The following TBC1D2 variants were observed in gnomAD, a reference collection of about 807,000 sequenced individuals.
The protein encoded by TBC1D2 is TBC1 domain family member 2A.
A neutral mutation model predicts 91.1 loss-of-function variants in TBC1D2; 58 were observed. That is an observed-to-expected ratio of 0.64 (90% CI 0.52 to 0.79). The LOEUF (loss-of-function observed/expected upper bound fraction) is 0.79, where lower values mean the gene tolerates loss of function less well. TBC1D2 is among the 30% of genes least tolerant of loss of function. TBC1D2 has a pLI of 0.00. For missense variants in TBC1D2, 1,080 were observed against 1,208.3 expected (o/e 0.89, Z 1.57); for synonymous variants, 482 against 511.5 (o/e 0.94, Z 0.78).
At position 98,200,254 on chromosome 9, in the gene TBC1D2, G is replaced by T. The variant is rs201387462; in HGVS notation, c.2578C>A (p.Arg860=). 2.5e-6 allele frequency: 4 copies of T among 1,613,630 alleles called. No individual in the cohort carries two copies. In the South Asian group the frequency reaches 4.4e-5, roughly 18 times the overall value. ...TGGCAGGGGGTGGGGGTTCCTCACC[G>T]GCTGTTGGAGATGGTCTTGGTGAAG... ...RFFTKTISNS[R]KLMNIAFNDM... The change falls in exon 12 of 13, where the codon CGG becomes AGG. Residue 860 remains arginine (R), a splice_region_variant and synonymous_variant. Transcript: ENST00000465784.
In TBC1D2 at chr9:98,218,463, A is replaced by G. The variant is rs550808894; in HGVS notation, c.1374+2370T>C. 3.2e-3 allele frequency among the ~76,000 whole-genome samples: 491 copies of G among 152,230 alleles called. 1 individual carries two copies. Among genetic ancestry groups the G allele is most frequent in the Non-Finnish European group, 5.2e-3 (356 of 68,010 alleles). The stretch of plus-strand genomic sequence containing the variant: ...GCACCTGTAGTCCCAGCTACTCAGG[A>G]GGCTGAGGCAGGAGAATGGCGTGAA... On this transcript the variant is annotated intron_variant, in intron 6 of 12. Transcript: ENST00000465784.
chr9:98,212,956 G>T, intron 7 of TBC1D2, 152 bp downstream of exon 7: 1 of 785,432 alleles, frequency 1.3e-6, no homozygotes, highest in Non-Finnish European at 2.0e-6. Flanking sequence ...CAGGGGTCTG[G>T]AGAAGAACCT....
intron 7 of TBC1D2, among the ~76,000 whole-genome samples, chr9:98,212,140 C>T (rs913624006): frequency 3.3e-5 from 5 of 152,174 alleles, no homozygotes; most frequent in African/African-American, 1.2e-4. Flanking sequence ...AATCTCCCTA[C>T]TTCCAGGCCC....
chr9:98,201,702 A>T, intron 10 of TBC1D2, 38 bp from the exon 11 acceptor site: 3 of 1,579,104 alleles, frequency 1.9e-6, no homozygotes, highest in Non-Finnish European at 2.6e-6. Flanking sequence ...CTGCAGCCCC[A>T]GCGTAGGGCT....
intron 3 of TBC1D2, among the ~76,000 whole-genome samples, chr9:98,240,474 G>A (rs924249711): frequency 1.3e-5 from 2 of 152,162 alleles, no homozygotes; most frequent in Non-Finnish European, 2.9e-5. Context: ...TGATGATCAT[G>A]ATAGGCACTA....
chr9:98,251,769 G>A lies in TBC1D2; in HGVS notation c.511+16C>T, dbSNP rs778922560. On this transcript the variant is annotated intron_variant, in intron 2 of 12. Transcript: ENST00000465784. Reference sequence around the variant, plus strand: ...GAGCCCTGGGTGTGCAGGCAGGAGGGTAGCCCATTGGGTACCTAGCTCGAG... The same window carrying A: ...GAGCCCTGGGTGTGCAGGCAGGAGGATAGCCCATTGGGTACCTAGCTCGAG... 5 of 1,569,686 alleles carry A rather than the reference G, an allele frequency of 3.2e-6. No individual in the cohort carries two copies. Among genetic ancestry groups the A allele is most frequent in the Non-Finnish European group, 4.3e-6 (5 of 1,159,982 alleles).
intron 3 of TBC1D2, among the ~76,000 whole-genome samples, chr9:98,239,232 G>A (rs940440262): frequency 2.6e-5 from 4 of 151,668 alleles, no homozygotes; most frequent in Admixed American, 1.3e-4. Flanking sequence ...CTAATTTTTT[G>A]TAGAGATGGG....
In TBC1D2 at chr9:98,209,036, G is replaced by C. The variant is rs200248600; in HGVS notation, c.1782C>G (p.Gly594=). 9.7e-5 allele frequency: 156 copies of C among 1,614,182 alleles called. No homozygotes were observed. In the East Asian group the frequency reaches 2.8e-3, roughly 29 times the overall value. Residue 594 remains glycine (G), a synonymous_variant, in exon 9 of 13, where the codon GGC becomes GGG. Transcript: ENST00000465784. ...ALESRSHHLL[G]LEAVDRPLRE... ...TCAGCGGCCGATCCACAGCCTCGAG[G>C]CCCAGCAGGTGGTGGGATCGTGACT...
chr9:98,210,781 C>A lies in TBC1D2; in HGVS notation c.1548G>T (p.Arg516Ser), dbSNP rs750400901. ...VESKYLAGLRRLQEALGDEAS... is the reference protein window; with the variant it reads ...VESKYLAGLRSLQEALGDEAS... ...CTTCGTCCCCCAGGGCCTCCTGCAG[C>A]CTTCTCAGACCGGCCAGGTACTTGC... is the stretch of plus-strand genomic sequence containing the variant. The change falls in exon 8 of 13, where the codon AGG becomes AGT. Residue 516 changes from arginine (R) to serine (S), a missense_variant. By Grantham distance (110) the Arg-to-Ser change is moderately radical. Coordinates refer to ENST00000465784, the MANE Select transcript of TBC1D2 (RefSeq NM_001267571.2). 15 of 1,557,258 alleles carry A rather than the reference C, an allele frequency of 9.6e-6. No individual in the cohort carries two copies. The highest frequency in any genetic ancestry group is 4.7e-5 in the South Asian group (4 of 84,484).
At chr9:98,224,134 T>C (rs1829167839) in intron 5 of TBC1D2, among the ~76,000 whole-genome samples, 1 of 147,474 alleles carries the variant, frequency 6.8e-6, no homozygotes, top group Non-Finnish European at 1.5e-5. Context: ...GAGGCGGAGC[T>C]GGCAGTGAGC....
intron 9 of TBC1D2, among the ~76,000 whole-genome samples, chr9:98,206,459 GAA>G (rs1197285929): frequency 6.6e-6 from 1 of 152,164 alleles, no homozygotes; most frequent in African/African-American, 2.4e-5. Context: ...CACACAGGGA[GAA>G]GCTTCTCTCC....
At chr9:98,251,213 C>T (rs1407983295) in intron 2 of TBC1D2, among the ~76,000 whole-genome samples, 2 of 152,066 alleles carry the variant, frequency 1.3e-5, no homozygotes, top group Non-Finnish European at 2.9e-5. Flanking sequence ...ATTGCTTAAA[C>T]CCGGGAGGCG....
intron 5 of TBC1D2, among the ~76,000 whole-genome samples, chr9:98,225,873 C>T (rs977954686): frequency 2.6e-5 from 4 of 152,332 alleles, no homozygotes; most frequent in Non-Finnish European, 5.9e-5. Flanking sequence ...TAAAGAGTCA[C>T]GAAAGCCACT....
intron 10 of TBC1D2, among the ~76,000 whole-genome samples, 188 bp from the exon 11 acceptor site, chr9:98,201,852 T>C (rs1366458113): frequency 6.6e-6 from 1 of 152,106 alleles, no homozygotes; most frequent in South Asian, 2.1e-4. Context: ...CAGCATCATA[T>C]CACTCCGCTG....
In TBC1D2 at chr9:98,203,276, G is replaced by A; in HGVS notation, c.2271+12C>T. 6.2e-7 allele frequency: 1 copy of A among 1,614,098 alleles called. No homozygotes were observed. ...CTACATGGCTGCAAAGTCCCCTCCTGGCCCCACTTACCTGGGATGCCGTCA... is the reference window on the plus strand; with the variant it reads ...CTACATGGCTGCAAAGTCCCCTCCTAGCCCCACTTACCTGGGATGCCGTCA... On this transcript the variant is annotated intron_variant, in intron 10 of 12. Transcript: ENST00000465784.
intron 1 of TBC1D2, among the ~76,000 whole-genome samples, chr9:98,252,951 G>A (rs911626931): frequency 2.6e-5 from 4 of 152,102 alleles, no homozygotes; most frequent in African/African-American, 9.7e-5. Context: ...TGTCACACAG[G>A]TATCAATAAG....
intron 8 of TBC1D2, among the ~76,000 whole-genome samples, chr9:98,209,632 TC>T (rs1828759738): frequency 1.3e-5 from 2 of 152,096 alleles, no homozygotes; most frequent in South Asian, 4.1e-4. Flanking sequence ...CAATGTTGAC[TC>T]ACCTCCACTC....
At position 98,233,541 on chromosome 9, in the gene TBC1D2, A is replaced by G; in HGVS notation, c.656T>C (p.Met219Thr). The change falls in exon 4 of 13, where the codon ATG becomes ACG. Residue 219 changes from methionine to threonine, a missense_variant. Coordinates refer to ENST00000465784, the MANE Select transcript of TBC1D2 (RefSeq NM_001267571.2). ...CTGCTTGTTGCCACGGATGTTGTGC[A>G]TTGTGTTCCTGAAAGGAGACAAGAA... ...KHLGTEIQNT[M>T]HNIRGNKQAQ... 6.2e-7 allele frequency: 1 copy of G among 1,614,074 alleles called. No homozygotes were observed. Among genetic ancestry groups the G allele is most frequent in the Non-Finnish European group, 8.5e-7 (1 of 1,179,980 alleles).
chr9:98,210,457 G>A (rs1276187550), intron 8 of TBC1D2, among the ~76,000 whole-genome samples, 199 bp downstream of exon 8: 8 of 152,212 alleles, frequency 5.3e-5, no homozygotes, highest in African/African-American at 1.9e-4. Context: ...TGCCGCAAAT[G>A]TACTATAGGG....
Sources: gnomAD v4.1 joint callset for allele counts (sites outside exome capture counted in the v4.1 genomes callset) on GRCh38, gnomAD v4.1.1 for gene constraint, MANE v1.5 for transcripts, NCBI Gene and HGNC (gene_info 2026-07-23, HGNC 2026-07-21) for gene names.